Variants in KSR2 observed in about 807,000 individuals in gnomAD.
KSR2 encodes the protein kinase suppressor of ras 2.
KSR2 carries 25 observed loss-of-function variants against 107.8 expected under a neutral mutation model. That is an observed-to-expected ratio of 0.23 (90% CI 0.17 to 0.32). KSR2 has a LOEUF of 0.32. Among genes scored for constraint, KSR2 ranks in the 10% least tolerant of loss-of-function variants. The probability of loss-of-function intolerance (pLI) is 1.00; values close to 1 mark genes in which losing one functional copy is unlikely to be tolerated. For synonymous variants in KSR2, 480 were observed against 507.0 expected, an observed-to-expected ratio of 0.95 and a Z score of 0.71; for missense variants, 887 against 1,268.9, an observed-to-expected ratio of 0.70 and a Z score of 4.57.
At chr12:117,530,864 G>T in intron 12 of KSR2, 77 bp downstream of exon 12, 2 of 1,262,060 alleles carry the variant, frequency 1.6e-6, no homozygotes, top group Non-Finnish European at 2.3e-6. Flanking sequence ...AAGGAAAGAA[G>T]ATAGGGAACC....
chr12:117,821,213 AT>A (rs1891550152), intron 3 of KSR2, among the ~76,000 whole-genome samples: 1 of 152,202 alleles, frequency 6.6e-6, no homozygotes, highest in African/African-American at 2.4e-5. Flanking sequence ...CGTCTGAATT[AT>A]TTTTAATAGA....
intron 3 of KSR2, among the ~76,000 whole-genome samples, chr12:117,789,724 C>T (rs1195969839): frequency 6.6e-6 from 1 of 152,194 alleles, no homozygotes; most frequent in African/African-American, 2.4e-5. Context: ...AAGCCCCTCC[C>T]CTCCACCAAT....
intron 5 of KSR2, among the ~76,000 whole-genome samples, chr12:117,665,974 AC>A (rs1379803033): frequency 6.6e-6 from 1 of 152,158 alleles, no homozygotes; most frequent in Non-Finnish European, 1.5e-5. Flanking sequence ...CTCTTTGACT[AC>A]CATGCAGGCC....
intron 5 of KSR2, among the ~76,000 whole-genome samples, chr12:117,588,218 G>A (rs906520860): frequency 6.6e-5 from 10 of 152,158 alleles, no homozygotes; most frequent in Admixed American, 6.5e-4. Flanking sequence ...ATAAAGAAGG[G>A]TTTTGTCCCA....
chr12:117,475,911 C>A (rs2137122747), intron 17 of KSR2, among the ~76,000 whole-genome samples: 1 of 152,314 alleles, frequency 6.6e-6, no homozygotes, highest in Admixed American at 6.5e-5. Flanking sequence ...GGTTGAGGAA[C>A]TGAGGCCTCC....
At chr12:117,694,708 G>A (rs1333473914) in intron 4 of KSR2, among the ~76,000 whole-genome samples, 1 of 152,146 alleles carries the variant, frequency 6.6e-6, no homozygotes, top group East Asian at 1.9e-4. Flanking sequence ...ACAAAATGTG[G>A]TCTATCCACA....
chr12:117,620,018 T>G (rs1882100234), intron 5 of KSR2, among the ~76,000 whole-genome samples: 1 of 152,162 alleles, frequency 6.6e-6, no homozygotes, highest in Non-Finnish European at 1.5e-5. Flanking sequence ...GCTGGATATT[T>G]CAAACAAACG....
At chr12:117,577,716 A>T (rs1239636879) in intron 7 of KSR2, among the ~76,000 whole-genome samples, 1 of 152,196 alleles carries the variant, frequency 6.6e-6, no homozygotes, top group Non-Finnish European at 1.5e-5. Flanking sequence ...ATCAGATCCC[A>T]TGAGGCTTAT....
At chr12:117,716,914 T>G (rs1458739198) in intron 4 of KSR2, among the ~76,000 whole-genome samples, 1 of 152,218 alleles carries the variant, frequency 6.6e-6, no homozygotes, top group African/African-American at 2.4e-5. Flanking sequence ...AATCTCCAAG[T>G]GTTTTATTTC....
At chr12:117,949,046 A>G (rs1896281865) in intron 1 of KSR2, among the ~76,000 whole-genome samples, 2 of 152,172 alleles carry the variant, frequency 1.3e-5, no homozygotes. Context: ...GCGAGCTGAG[A>G]TTGCACCACT....
At chr12:117,883,984 G>T (rs947807142) in intron 1 of KSR2, among the ~76,000 whole-genome samples, 1 of 151,806 alleles carries the variant, frequency 6.6e-6, no homozygotes, top group Non-Finnish European at 1.5e-5. Flanking sequence ...TTCCTATGCC[G>T]TGGGGAGCTT....
intron 1 of KSR2, among the ~76,000 whole-genome samples, chr12:117,903,076 T>C (rs1894737929): frequency 6.6e-6 from 1 of 152,250 alleles, no homozygotes; most frequent in African/African-American, 2.4e-5. Context: ...GTTGCGTTAA[T>C]GTAGGCGAGA....
chr12:117,515,697 G>A (rs141848032), intron 14 of KSR2, among the ~76,000 whole-genome samples: 4,558 of 152,246 alleles, frequency 0.03, 93 homozygotes, highest in South Asian at 0.083. Flanking sequence ...AGGCTGAGGC[G>A]GGCAGATCAT....
At chr12:117,563,442 A>G (rs1415319297) in intron 7 of KSR2, among the ~76,000 whole-genome samples, 2 of 152,202 alleles carry the variant, frequency 1.3e-5, no homozygotes, top group African/African-American at 2.4e-5. Context: ...AACTTGGGCA[A>G]GCTGCCGATC....
At chr12:117,558,055 C>T (rs903574355) in intron 8 of KSR2, among the ~76,000 whole-genome samples, 1 of 152,134 alleles carries the variant, frequency 6.6e-6, no homozygotes, top group Non-Finnish European at 1.5e-5. Flanking sequence ...GGAGATGGGA[C>T]ACAAATGGCC....
chr12:117,779,618 G>A (rs981467941), intron 3 of KSR2, among the ~76,000 whole-genome samples: 2 of 152,000 alleles, frequency 1.3e-5, no homozygotes, highest in African/African-American at 2.4e-5. Flanking sequence ...TCATGGAGTC[G>A]GCTTCCCCTG....
At chr12:117,498,839 C>T (rs1449843220) in intron 14 of KSR2, among the ~76,000 whole-genome samples, 1 of 152,166 alleles carries the variant, frequency 6.6e-6, no homozygotes, top group East Asian at 1.9e-4. Context: ...TGTCTTTCAC[C>T]TTCTGCCATG....
At chr12:117,765,031 G>A (rs150046898) in intron 3 of KSR2, among the ~76,000 whole-genome samples, 2 of 152,346 alleles carry the variant, frequency 1.3e-5, no homozygotes, top group African/African-American at 4.8e-5. Flanking sequence ...TATTTAAAGA[G>A]TGTGTAGTGG....
chr12:117,938,552 T>C (rs946995373), intron 1 of KSR2, among the ~76,000 whole-genome samples: 3 of 121,488 alleles, frequency 2.5e-5, no homozygotes, highest in African/African-American at 8.7e-5. Context: ...AAACTTAAAG[T>C]ATAATAATAA....
Sources: allele counts gnomAD v4.1 joint callset (sites outside exome capture counted in the v4.1 genomes callset), GRCh38; gene constraint gnomAD v4.1.1; transcripts MANE v1.5; gene names NCBI Gene and HGNC (gene_info 2026-07-23, HGNC 2026-07-21).